Variants in AP3B1 observed in about 807,000 individuals in gnomAD.
AP3B1 encodes the protein AP-3 complex subunit beta-1.
AP3B1 carries 61 observed loss-of-function variants against 132.5 expected under a neutral mutation model. The ratio of observed to expected loss-of-function variants is 0.46; its 90% CI spans 0.37 to 0.57. AP3B1 has a LOEUF of 0.57. Among genes scored for constraint, AP3B1 ranks in the 20% least tolerant of loss-of-function variants. The probability of loss-of-function intolerance (pLI) is 0.00; values close to 1 mark genes in which losing one functional copy is unlikely to be tolerated. For synonymous variants in AP3B1, 388 were observed against 438.3 expected (o/e 0.89, Z 1.43); for missense variants, 1,120 against 1,289.4 (o/e 0.87, Z 2.01).
intron 21 of AP3B1, among the ~76,000 whole-genome samples, chr5:78,097,123 C>G (rs1464146101): frequency 7.8e-6 from 1 of 128,400 alleles, no homozygotes; most frequent in Non-Finnish European, 1.6e-5. Flanking sequence ...GGGTCAGCCC[C>G]CCACCCGGCC....
intron 14 of AP3B1, among the ~76,000 whole-genome samples, chr5:78,144,794 T>G (rs1396353373): frequency 6.6e-6 from 1 of 152,164 alleles, no homozygotes; most frequent in Non-Finnish European, 1.5e-5. Context: ...TTATGTGAAA[T>G]CCTGTCAGAG....
intron 2 of AP3B1, among the ~76,000 whole-genome samples, chr5:78,253,395 C>T (rs751643632): frequency 6.6e-6 from 1 of 152,194 alleles, no homozygotes; most frequent in Admixed American, 6.5e-5. Context: ...GGCCCAAGTT[C>T]CTATGAATAC....
At chr5:78,165,505 C>A (rs1444051528) in intron 12 of AP3B1, 105 bp downstream of exon 12, 19 of 798,114 alleles carry the variant, frequency 2.4e-5, no homozygotes, top group Non-Finnish European at 3.6e-5. Context: ...TTGTCCCAAT[C>A]ACTATTTTAT....
chr5:78,132,953 A>G (rs1752751026), intron 15 of AP3B1, among the ~76,000 whole-genome samples: 1 of 152,238 alleles, frequency 6.6e-6, no homozygotes, highest in South Asian at 2.1e-4. Context: ...CTTACACTAT[A>G]CAATAAATGA....
At chr5:78,271,548 T>C (rs547773156) in intron 1 of AP3B1, among the ~76,000 whole-genome samples, 25 of 152,328 alleles carry the variant, frequency 1.6e-4, no homozygotes, top group African/African-American at 1.4e-4. Flanking sequence ...TCCTCAACTC[T>C]TGGTAATCTC....
intron 22 of AP3B1, among the ~76,000 whole-genome samples, chr5:78,057,541 A>G (rs1023570208): frequency 6.6e-6 from 1 of 152,192 alleles, no homozygotes; most frequent in African/African-American, 2.4e-5. Flanking sequence ...ATAGATCCAT[A>G]ACACTTTGAT....
intron 24 of AP3B1, among the ~76,000 whole-genome samples, chr5:78,022,117 G>A (rs937476314): frequency 6.6e-6 from 1 of 152,106 alleles, no homozygotes; most frequent in African/African-American, 2.4e-5. Context: ...CTTGTAAGTG[G>A]CCTTATATTT....
chr5:78,046,415 A>G (rs1373859891), intron 22 of AP3B1, among the ~76,000 whole-genome samples: 2 of 152,176 alleles, frequency 1.3e-5, no homozygotes, highest in African/African-American at 4.8e-5. Flanking sequence ...CCATCCCCCT[A>G]TTCCCAACGG....
At chr5:78,107,773 GA>G (rs1012231482) in intron 20 of AP3B1, among the ~76,000 whole-genome samples, 6 of 149,210 alleles carry the variant, frequency 4.0e-5, no homozygotes, top group African/African-American at 1.5e-4. Flanking sequence ...TAAAAAGAGT[GA>G]AAAAAAAAGA....
chr5:78,060,878 G>C (rs1220357912), intron 22 of AP3B1, among the ~76,000 whole-genome samples: 2 of 152,078 alleles, frequency 1.3e-5, no homozygotes, highest in Non-Finnish European at 2.9e-5. Context: ...AGAAAATAAA[G>C]GGCATTAACC....
intron 21 of AP3B1, among the ~76,000 whole-genome samples, chr5:78,098,306 A>T (rs1164159112): frequency 4.6e-5 from 4 of 86,186 alleles, no homozygotes; most frequent in African/African-American, 1.4e-4. Context: ...ATAAAAAATA[A>T]AAAAAAAAAG....
chr5:78,139,038 G>GA (rs11288219), intron 15 of AP3B1, among the ~76,000 whole-genome samples: 2,082 of 93,240 alleles, frequency 0.022, 20 homozygotes, highest in Non-Finnish European at 0.027. Context: ...TAGAGATCAA[G>GA]AAAAAAAAAA....
intron 8 of AP3B1, among the ~76,000 whole-genome samples, chr5:78,177,756 C>T (rs543817061): frequency 2.6e-5 from 4 of 152,014 alleles, no homozygotes; most frequent in South Asian, 4.2e-4. Flanking sequence ...AAAGAGACAC[C>T]GTGAAGGCCA....
chr5:78,200,953 A>T (rs559343447), intron 7 of AP3B1, among the ~76,000 whole-genome samples: 8 of 152,252 alleles, frequency 5.3e-5, no homozygotes, highest in African/African-American at 1.9e-4. Flanking sequence ...AAATGAGGCC[A>T]TTAGGGTGGG....
At chr5:78,251,030 TG>T (rs1747609943) in intron 2 of AP3B1, among the ~76,000 whole-genome samples, 1 of 152,024 alleles carries the variant, frequency 6.6e-6, no homozygotes, top group South Asian at 2.1e-4. Flanking sequence ...AAGAGAGAAC[TG>T]GCAGACTGAC....
intron 15 of AP3B1, among the ~76,000 whole-genome samples, chr5:78,130,667 A>G (rs1752647539): frequency 6.6e-6 from 1 of 152,036 alleles, no homozygotes; most frequent in East Asian, 1.9e-4. Flanking sequence ...GAGGAATACA[A>G]TTCAAAACCA....
chr5:78,015,636 C>CT, intron 25 of AP3B1, 88 bp from the exon 26 acceptor site: 5 of 1,370,572 alleles, frequency 3.6e-6, no homozygotes, highest in Admixed American at 1.8e-5. Flanking sequence ...AAAATTTTAA[C>CT]TTTTTTTCAA....
rs375758979 is a variant in AP3B1 at position 78,094,711 on chromosome 5, C to T, written c.2471-5212G>A. ...TTTTTCTTTTTTTGTAGTGGAATATCACTCTGTCACCCAGGCTGGAGTGCA... is the reference window on the plus strand; with the variant it reads ...TTTTTCTTTTTTTGTAGTGGAATATTACTCTGTCACCCAGGCTGGAGTGCA... On this transcript the variant is annotated intron_variant, in intron 21 of 26. Coordinates refer to ENST00000255194, the MANE Select transcript of AP3B1 (RefSeq NM_003664.5). Among the ~76,000 whole-genome samples the T allele has an allele frequency of 3.8e-4, 58 of 151,974 alleles. 1 individual carries two copies. The East Asian group carries it at 7.4e-3, about 19-fold the overall frequency.
chr5:78,109,676 TA>T (rs1467120487), intron 20 of AP3B1, among the ~76,000 whole-genome samples: 4 of 152,272 alleles, frequency 2.6e-5, no homozygotes, highest in Admixed American at 6.5e-5. Flanking sequence ...ATTTATACTT[TA>T]TTTTTTTCCT....
Sources: gnomAD v4.1 joint callset for allele counts (sites outside exome capture counted in the v4.1 genomes callset) on GRCh38, gnomAD v4.1.1 for gene constraint, MANE v1.5 for transcripts, NCBI Gene and HGNC (gene_info 2026-07-23, HGNC 2026-07-21) for gene names.